HHAT: variants seen among roughly 807,000 people sequenced by gnomAD.
HHAT encodes the protein protein-cysteine N-palmitoyltransferase HHAT.
A neutral mutation model predicts 70.8 loss-of-function variants in HHAT; 47 were observed. That is an observed-to-expected ratio of 0.66 (90% CI 0.53 to 0.85). The LOEUF (loss-of-function observed/expected upper bound fraction) is 0.85. Ranked by LOEUF, HHAT falls within the 40% of genes least tolerant of loss-of-function variation. The pLI is 0.00. For synonymous variants in HHAT, 228 were observed against 247.6 expected, an observed-to-expected ratio of 0.92 and a Z score of 0.74; for missense variants, 609 against 604.8, an observed-to-expected ratio of 1.01 and a Z score of -0.07.
At chr1:210,398,514 T>C (rs1463396968) in intron 4 of HHAT, among the ~76,000 whole-genome samples, 1 of 152,180 alleles carries the variant, frequency 6.6e-6, no homozygotes, top group African/African-American at 2.4e-5. Context: ...CTCAAGTAAA[T>C]GGGGTTTACA....
chr1:210,547,273 C>G (rs907632356), intron 9 of HHAT, among the ~76,000 whole-genome samples: 10 of 152,186 alleles, frequency 6.6e-5, no homozygotes, highest in African/African-American at 2.4e-4. Context: ...TTGTGGTGAG[C>G]TGAGATCGTG....
chr1:210,360,846 C>CTTTTTTTTTTTTTTTTTTT (rs3036585), intron 2 of HHAT, among the ~76,000 whole-genome samples: 2 of 124,300 alleles, frequency 1.6e-5, no homozygotes, highest in Non-Finnish European at 3.2e-5. Flanking sequence ...ATTAACTTCA[C>CTTTTTTTTTTTTTTTTTTT]TTTTTTTTTT....
intron 7 of HHAT, among the ~76,000 whole-genome samples, chr1:210,447,453 G>C (rs2093658657): frequency 6.6e-6 from 1 of 152,174 alleles, no homozygotes; most frequent in Non-Finnish European, 1.5e-5. Flanking sequence ...ACTTGATTGA[G>C]GATAATTTAA....
intron 9 of HHAT, among the ~76,000 whole-genome samples, chr1:210,521,587 A>G (rs11119524): frequency 0.078 from 11,832 of 152,200 alleles, 1,191 homozygotes; most frequent in East Asian, 0.32. Flanking sequence ...GTTAATTGTA[A>G]CATTCCTGGT....
intron 4 of HHAT, among the ~76,000 whole-genome samples, chr1:210,399,325 C>T (rs553842567): frequency 5.3e-5 from 8 of 152,182 alleles, no homozygotes; most frequent in East Asian, 1.9e-4. Context: ...GGTGCGATCT[C>T]GGCTCACAGC....
chr1:210,365,315 T>TG (rs2088816610), intron 3 of HHAT, among the ~76,000 whole-genome samples: 2 of 124,162 alleles, frequency 1.6e-5, no homozygotes, highest in Non-Finnish European at 3.3e-5. Context: ...GACAGTTTTT[T>TG]TTTTTTTTTT....
chr1:210,606,453 T>C (rs4951721), intron 10 of HHAT, among the ~76,000 whole-genome samples: 123,350 of 152,116 alleles, frequency 0.81, 52,147 homozygotes, highest in East Asian at 0.99. Flanking sequence ...CTAGAAAATC[T>C]CTCAGATAGA....
intron 6 of HHAT, among the ~76,000 whole-genome samples, chr1:210,407,541 C>G (rs908135588): frequency 6.6e-6 from 1 of 152,224 alleles, no homozygotes; most frequent in African/African-American, 2.4e-5. Flanking sequence ...AATTTACATA[C>G]ACAAAATGAG....
rs376506335 is a variant in HHAT, at chr1:210,369,324, CAGAG to C, written c.159+6408_159+6411del. Among the ~76,000 whole-genome samples the C allele has an allele frequency of 2.1e-4, 32 of 152,278 alleles. No individual in the cohort carries two copies. The East Asian group carries it at 3.3e-3, about 16-fold the overall frequency. On this transcript the variant is annotated intron_variant, in intron 3 of 11. Coordinates refer to ENST00000261458, the MANE Select transcript of HHAT (RefSeq NM_018194.6). ...TAAGCTGTTCTTTCAGAAGTAAAAT[CAGAG>C]AGGACTTTCCATTGCCTGTGAGGAG...
chr1:210,432,429 CG>C (rs2093272226), intron 7 of HHAT, among the ~76,000 whole-genome samples: 1 of 151,772 alleles, frequency 6.6e-6, no homozygotes, highest in Non-Finnish European at 1.5e-5. Context: ...AAAGAGGCTG[CG>C]TAAGAGGGGA....
At chr1:210,422,270 G>T (rs985090282) in intron 7 of HHAT, among the ~76,000 whole-genome samples, 1 of 152,250 alleles carries the variant, frequency 6.6e-6, no homozygotes, top group South Asian at 2.1e-4. Flanking sequence ...ATTTCTTTGT[G>T]TTGGGAACAT....
chr1:210,417,638 C>T (rs2092762915), intron 6 of HHAT, among the ~76,000 whole-genome samples: 2 of 152,214 alleles, frequency 1.3e-5, no homozygotes, highest in Admixed American at 6.5e-5. Context: ...CAAAAAACAA[C>T]TTAGGGTGAA....
At chr1:210,519,512 CA>C (rs2095116127) in intron 9 of HHAT, among the ~76,000 whole-genome samples, 1 of 146,592 alleles carries the variant, frequency 6.8e-6, no homozygotes. Context: ...ACATCCTTGC[CA>C]ACAATTTTCT....
intron 7 of HHAT, chr1:210,439,881 T>G (rs1477314965): frequency 1.3e-5 from 2 of 151,826 alleles, no homozygotes; most frequent in Non-Finnish European, 2.9e-5. Flanking sequence ...TCTGTTTTAG[T>G]TTTTAGGAGT....
rs150154539 is a variant in HHAT at position 210,358,203 on chromosome 1, C to T, written c.92-4649C>T. ...GAACATGCACAGAGCTTATGGCTTA[C>T]TCTTGGCTTGAGAGTTTCCATTTCA... On this transcript the variant is annotated intron_variant, in intron 2 of 11. Coordinates refer to ENST00000261458, the MANE Select transcript of HHAT (RefSeq NM_018194.6). 3.3e-5 allele frequency among the ~76,000 whole-genome samples: 5 copies of T among 152,320 alleles called. No individual in the cohort carries two copies. In the East Asian group the frequency reaches 9.7e-4, roughly 29 times the overall value.
At chr1:210,572,090 T>C (rs201669193) in intron 9 of HHAT, among the ~76,000 whole-genome samples, 1 of 152,248 alleles carries the variant, frequency 6.6e-6, no homozygotes, top group Non-Finnish European at 1.5e-5. Flanking sequence ...GGCACGGCTG[T>C]GTTGGCTACT....
chr1:210,594,514 A>G (rs576371660), intron 10 of HHAT, among the ~76,000 whole-genome samples: 1 of 152,028 alleles, frequency 6.6e-6, no homozygotes, highest in East Asian at 1.9e-4. Context: ...TGTACTATCT[A>G]TGTCTTTAAA....
chr1:210,476,218 T>G (rs528688714), intron 8 of HHAT, among the ~76,000 whole-genome samples: 93 of 152,358 alleles, frequency 6.1e-4, no homozygotes, highest in African/African-American at 2.2e-3. Flanking sequence ...TGTGTTGCTA[T>G]GCAGACCTAC....
intron 9 of HHAT, among the ~76,000 whole-genome samples, chr1:210,580,128 A>G (rs186330509): frequency 1.8e-3 from 273 of 152,332 alleles, no homozygotes; most frequent in Non-Finnish European, 3.4e-3. Context: ...TCAGAATTGC[A>G]TATGAAGCTT....
Sources: gnomAD v4.1 joint callset for allele counts (sites outside exome capture counted in the v4.1 genomes callset) on GRCh38, gnomAD v4.1.1 for gene constraint, MANE v1.5 for transcripts, NCBI Gene and HGNC (gene_info 2026-07-23, HGNC 2026-07-21) for gene names.